Variants in LRBA observed in about 807,000 individuals in gnomAD.
LRBA encodes LPS responsive beige-like anchor protein, also known as lipopolysaccharide-responsive and beige-like anchor protein.
In LRBA, 176 loss-of-function variants were observed where a neutral mutation model predicts 330.0. The observed-to-expected ratio is 0.53, with a 90% CI of 0.47 to 0.60. The LOEUF (loss-of-function observed/expected upper bound fraction) is 0.60. Ranked by LOEUF, LRBA falls within the 20% of genes least tolerant of loss-of-function variation. The pLI is 0.00. For synonymous variants in LRBA, 1,230 were observed against 1,193.0 expected, an observed-to-expected ratio of 1.03 and a Z score of -0.64; for missense variants, 3,259 against 3,444.8, an observed-to-expected ratio of 0.95 and a Z score of 1.35.
chr4:150,472,015 ATAAT>A (rs1432301465), intron 42 of LRBA, among the ~76,000 whole-genome samples: 6 of 152,136 alleles, frequency 3.9e-5, no homozygotes, highest in Non-Finnish European at 7.4e-5. Flanking sequence ...TAATAACAGT[ATAAT>A]TAATAATTCA....
At chr4:150,970,523 TTGTGTGTGTGTGTG>T (rs372306849) in intron 2 of LRBA, 10 of 115,632 alleles carry the variant, frequency 8.6e-5, no homozygotes, top group African/African-American at 3.4e-4. Context: ...TAATATATAC[TTGTGTGTGTGTGTG>T]TGTGTGTGTG....
chr4:150,710,908 T>C (rs1027092412), intron 36 of LRBA, among the ~76,000 whole-genome samples: 1 of 151,924 alleles, frequency 6.6e-6, no homozygotes, highest in African/African-American at 2.4e-5. Flanking sequence ...TAAAGGATAC[T>C]ATTATTCAGG....
intron 55 of LRBA, among the ~76,000 whole-genome samples, chr4:150,278,976 C>T (rs761563693): frequency 3.5e-4 from 53 of 152,196 alleles, no homozygotes; most frequent in Non-Finnish European, 4.9e-4. Context: ...AGGTGCCCAC[C>T]ACAACACCCG....
At chr4:150,717,251 A>T (rs934795665) in intron 36 of LRBA, among the ~76,000 whole-genome samples, 3 of 152,214 alleles carry the variant, frequency 2.0e-5, no homozygotes, top group Non-Finnish European at 2.9e-5. Context: ...TCAGAAAAAC[A>T]AGTGGTACTA....
At chr4:150,953,074 C>T (rs184943862) in intron 2 of LRBA, among the ~76,000 whole-genome samples, 2,677 of 152,240 alleles carry the variant, frequency 0.018, 35 homozygotes, top group South Asian at 0.042. Flanking sequence ...GATAAACTCT[C>T]TTCAACTGGA....
At chr4:150,810,890 C>T (rs1004392321) in intron 31 of LRBA, among the ~76,000 whole-genome samples, 1 of 152,198 alleles carries the variant, frequency 6.6e-6, no homozygotes, top group Non-Finnish European at 1.5e-5. Flanking sequence ...GTGTGAGTCA[C>T]CATGCCCAGC....
intron 37 of LRBA, among the ~76,000 whole-genome samples, chr4:150,667,477 AT>A (rs1392420414): frequency 6.6e-6 from 1 of 152,160 alleles, no homozygotes; most frequent in Non-Finnish European, 1.5e-5. Context: ...GAACCAAGGA[AT>A]GAAGGCAGCC....
At chr4:150,490,073 A>G (rs566608047) in intron 41 of LRBA, among the ~76,000 whole-genome samples, 2 of 151,792 alleles carry the variant, frequency 1.3e-5, no homozygotes, top group East Asian at 3.9e-4. Context: ...TTATTTGCCT[A>G]GAAGAATAAT....
chr4:150,968,285 G>T (rs575770304), intron 2 of LRBA, among the ~76,000 whole-genome samples: 2 of 152,254 alleles, frequency 1.3e-5, no homozygotes, highest in South Asian at 4.1e-4. Context: ...TCACAGGCAT[G>T]AGCCACTGTG....
Position 150,914,360 on chromosome 4 carries a change from A to T in LRBA, c.1015-19T>A. 6.8e-7 allele frequency: 1 copy of T among 1,479,502 alleles called. No individual in the cohort carries two copies. Among genetic ancestry groups the T allele is most frequent in the Non-Finnish European group, 9.0e-7 (1 of 1,109,516 alleles). The allele number at this position is 1,479,502 out of a possible 1,614,324, so 91.6% of individuals were successfully genotyped here. ...CAAAGGTCTGTAAAAGAAAAAAAAA[A>T]AGGAATTAGGAAAAAACAAAAAAAA... is the stretch of plus-strand genomic sequence containing the variant. On this transcript the variant is annotated intron_variant, in intron 8 of 56. Transcript: ENST00000651943.
chr4:150,839,312 T>C (rs908849110), intron 28 of LRBA, among the ~76,000 whole-genome samples: 1 of 152,208 alleles, frequency 6.6e-6, no homozygotes, highest in Non-Finnish European at 1.5e-5. Flanking sequence ...AGTTCAACCA[T>C]TGTGAAGACA....
At chr4:150,459,725 C>T (rs1403777734) in intron 44 of LRBA, among the ~76,000 whole-genome samples, 2 of 151,836 alleles carry the variant, frequency 1.3e-5, no homozygotes, top group African/African-American at 2.4e-5. Context: ...CAAGGCCAGA[C>T]AATGTAATTT....
At chr4:150,450,133 G>A (rs1406088749) in intron 44 of LRBA, among the ~76,000 whole-genome samples, 1 of 151,776 alleles carries the variant, frequency 6.6e-6, no homozygotes, top group African/African-American at 2.4e-5. Context: ...TGCCCTCCTG[G>A]GATATTAACA....
chr4:150,335,502 TAC>T (rs1299304679), intron 48 of LRBA, among the ~76,000 whole-genome samples: 2 of 144,522 alleles, frequency 1.4e-5, no homozygotes, highest in African/African-American at 2.6e-5. Context: ...TATATATATA[TAC>T]ACACACATAT....
chr4:150,784,961 C>T (rs1738827184), intron 34 of LRBA, among the ~76,000 whole-genome samples: 1 of 152,172 alleles, frequency 6.6e-6, no homozygotes, highest in African/African-American at 2.4e-5. Context: ...CCAATGGGCT[C>T]ACCTTGCCCG....
rs186856115 is a variant in LRBA, at chr4:150,309,196, T to C, written c.7849+1033A>G. Among the ~76,000 whole-genome samples, 25 of 152,328 alleles carry C rather than the reference T, an allele frequency of 1.6e-4. 1 individual carries two copies. The highest frequency in any genetic ancestry group is 1.6e-3 in the Admixed American group (24 of 15,292). ...ACTGTAACTTTTCTATTTTTAGATG[T>C]GTTTAGACACACAGATACTTACCGT... is the stretch of plus-strand genomic sequence containing the variant. On this transcript the variant is annotated intron_variant, in intron 52 of 56. Transcript: ENST00000651943.
At position 150,696,136 on chromosome 4, in the gene LRBA, G is replaced by A. The variant is rs185962158; in HGVS notation, c.5755-12419C>T. Among the ~76,000 whole-genome samples the A allele has an allele frequency of 2.0e-4, 31 of 152,148 alleles. No homozygotes were observed. In the East Asian group the frequency reaches 5.2e-3, roughly 26 times the overall value. ...TCCTAGCTACTTGGGAGGATGAGGC[G>A]GGAGGATTGCTTGAGCCCAGGAGGT... On this transcript the variant is annotated intron_variant, in intron 36 of 56. Coordinates refer to ENST00000651943, the MANE Select transcript of LRBA (RefSeq NM_001364905.1).
intron 40 of LRBA, among the ~76,000 whole-genome samples, chr4:150,557,414 C>T (rs577145045): frequency 1.4e-3 from 208 of 151,792 alleles, no homozygotes; most frequent in African/African-American, 4.8e-3. Context: ...ACCATCATCA[C>T]TGTAGAGATT....
chr4:150,803,605 A>T (rs1280275846), intron 33 of LRBA, among the ~76,000 whole-genome samples: 1 of 152,186 alleles, frequency 6.6e-6, no homozygotes, highest in Non-Finnish European at 1.5e-5. Context: ...CTTTTTGTAC[A>T]GTATTATGCT....
Sources: allele counts gnomAD v4.1 joint callset (sites outside exome capture counted in the v4.1 genomes callset), GRCh38; gene constraint gnomAD v4.1.1; transcripts MANE v1.5; gene names NCBI Gene and HGNC (gene_info 2026-07-23, HGNC 2026-07-21).